SLF1: variants seen among roughly 807,000 people sequenced by gnomAD.
The protein encoded by SLF1 is SMC5-SMC6 complex localization factor protein 1.
In SLF1, 105 loss-of-function variants were observed where a neutral mutation model predicts 123.0. The observed-to-expected ratio is 0.85, with a 90% CI of 0.73 to 1.00. The LOEUF (loss-of-function observed/expected upper bound fraction) is 1.00. SLF1 is among the 50% of genes least tolerant of loss of function. The pLI is 0.00. For synonymous variants in SLF1, 434 were observed against 406.6 expected, an observed-to-expected ratio of 1.07 and a Z score of -0.81; for missense variants, 1,239 against 1,223.0, an observed-to-expected ratio of 1.01 and a Z score of -0.20.
At chr5:94,622,683 G>T (rs966232104) in intron 1 of SLF1, among the ~76,000 whole-genome samples, 1 of 152,006 alleles carries the variant, frequency 6.6e-6, no homozygotes, top group Non-Finnish European at 1.5e-5. Context: ...AGACAAGTCT[G>T]TAAAGGTTAT....
intron 4 of SLF1, among the ~76,000 whole-genome samples, chr5:94,637,872 T>G (rs1040825279): frequency 6.6e-6 from 1 of 152,150 alleles, no homozygotes; most frequent in Non-Finnish European, 1.5e-5. Flanking sequence ...ATGTTGAGGC[T>G]GCACAAAGTA....
At chr5:94,667,348 T>C (rs1749896303) in intron 12 of SLF1, among the ~76,000 whole-genome samples, 1 of 152,216 alleles carries the variant, frequency 6.6e-6, no homozygotes, top group Non-Finnish European at 1.5e-5. Flanking sequence ...GCTGACATCC[T>C]TCATAATTTC....
rs1235065728 is a variant in SLF1 at position 94,643,174 on chromosome 5, A to G, written c.432-99A>G. ...CCCAAAGAAATTAGTCCCTATTAGA[A>G]AAGTCCATTCGTACTCCTAAGAAAT... On this transcript the variant is annotated intron_variant, in intron 4 of 20. Transcript: ENST00000265140. 2.5e-5 allele frequency: 23 copies of G among 914,582 alleles called. 1 individual carries two copies. The highest frequency in any genetic ancestry group is 2.9e-5 in the Non-Finnish European group (18 of 623,980). 56.7% of individuals were successfully genotyped at this position (914,582 alleles called of 1,614,324 possible).
chr5:94,643,318 A>G lies in SLF1; in HGVS notation c.477A>G (p.Ser159=). Residue 159 remains serine, a synonymous_variant, in exon 5 of 21, where the codon TCA becomes TCG. Transcript: ENST00000265140. ...GKANVILPKS[S]PSGITHVIAS... ...CAAATGTTATTTTACCAAAAAGTTC[A>G]CCAAGTGGAATAACTCATGTGATTG... is the stretch of plus-strand genomic sequence containing the variant. The G allele has an allele frequency of 6.5e-7, 1 of 1,544,014 alleles. No individual in the cohort carries two copies. Among genetic ancestry groups the G allele is most frequent in the South Asian group, 1.2e-5 (1 of 82,306 alleles).
chr5:94,645,783 C>T (rs1376507929), intron 5 of SLF1, among the ~76,000 whole-genome samples: 3 of 152,172 alleles, frequency 2.0e-5, no homozygotes, highest in African/African-American at 7.2e-5. Context: ...GCTGGGAGTT[C>T]ATAACCAATC....
chr5:94,652,070 C>T (rs1310977353), intron 7 of SLF1, among the ~76,000 whole-genome samples: 3 of 150,992 alleles, frequency 2.0e-5, no homozygotes, highest in African/African-American at 7.3e-5. Flanking sequence ...TGCACTGGCA[C>T]AATCTTAGCT....
At chr5:94,631,850 C>T (rs1376031029) in intron 4 of SLF1, among the ~76,000 whole-genome samples, 1 of 152,066 alleles carries the variant, frequency 6.6e-6, no homozygotes, top group East Asian at 1.9e-4. Flanking sequence ...CATAGTGGCT[C>T]AGGTCTGTAA....
intron 8 of SLF1, among the ~76,000 whole-genome samples, chr5:94,653,726 T>C (rs945402288): frequency 4.6e-5 from 7 of 152,244 alleles, no homozygotes; most frequent in African/African-American, 1.4e-4. Context: ...ACTACATGTG[T>C]GTATAGTTGG....
At chr5:94,633,585 AGAAAT>A (rs1412763181) in intron 4 of SLF1, among the ~76,000 whole-genome samples, 3 of 152,338 alleles carry the variant, frequency 2.0e-5, no homozygotes, top group Admixed American at 2.0e-4. Context: ...AAGCCAGAAA[AGAAAT>A]GAAGCATAAA....
At chr5:94,683,095 A>G (rs192144976) in intron 15 of SLF1, among the ~76,000 whole-genome samples, 13 of 152,294 alleles carry the variant, frequency 8.5e-5, no homozygotes, top group African/African-American at 2.6e-4. Context: ...AAAATTTACT[A>G]TAGGTTTTTT....
chr5:94,621,867 A>G (rs1476929242), intron 1 of SLF1, among the ~76,000 whole-genome samples: 1 of 145,708 alleles, frequency 6.9e-6, no homozygotes, highest in Non-Finnish European at 1.5e-5. Context: ...TGCTTCTGTC[A>G]AATAATTAAT....
chr5:94,688,817 T>C lies in SLF1; in HGVS notation c.2285+148T>C. On this transcript the variant is annotated intron_variant, in intron 17 of 20. Transcript: ENST00000265140. Reference sequence around the variant, plus strand: ...AATTTTAGATCTATTTGATCAACATTTTCTGTTTCTGTAATTCAAGGTACA... The same window carrying C: ...AATTTTAGATCTATTTGATCAACATCTTCTGTTTCTGTAATTCAAGGTACA... 7 of 850,598 alleles carry C rather than the reference T, an allele frequency of 8.2e-6. No homozygotes were observed. In the South Asian group the frequency reaches 2.2e-4, roughly 26 times the overall value. The allele number at this position is 850,598 out of a possible 1,614,324, so 52.7% of individuals were successfully genotyped here. A position where few individuals can be genotyped will look rare whatever the true frequency, so the allele number is the denominator to read the frequency against.
chr5:94,646,879 G>T (rs1747134054), intron 5 of SLF1, among the ~76,000 whole-genome samples: 1 of 152,142 alleles, frequency 6.6e-6, no homozygotes, highest in Non-Finnish European at 1.5e-5. Context: ...TTGAGTAATA[G>T]TTACTGAGTG....
rs573630917 is a variant in SLF1, at chr5:94,696,176, A to G, written c.*864A>G. 2.0e-5 allele frequency: 3 copies of G among 151,934 alleles called. No individual in the cohort carries two copies. The highest frequency in any genetic ancestry group is 7.2e-5 in the African/African-American group (3 of 41,532). 9.4% of individuals were successfully genotyped at this position (151,934 alleles called of 1,614,324 possible). A position where few individuals can be genotyped will look rare whatever the true frequency, so the allele number is the denominator to read the frequency against. ...GCAGTTTGTAGTAAAACTAAAAGAAAGGGTGTGGATAATAACCACTTTTGA... is the reference window on the plus strand; with the variant it reads ...GCAGTTTGTAGTAAAACTAAAAGAAGGGGTGTGGATAATAACCACTTTTGA... On this transcript the variant is annotated 3_prime_UTR_variant, in exon 21 of 21. Transcript: ENST00000265140.
intron 1 of SLF1, among the ~76,000 whole-genome samples, chr5:94,627,598 A>ATATATATATG (rs1744640781): frequency 8.0e-6 from 1 of 124,618 alleles, no homozygotes; most frequent in Non-Finnish European, 1.7e-5. Flanking sequence ...ATATATATAT[A>ATATATATATG]TATATATATA....
At chr5:94,684,726 A>G (rs902198644) in intron 15 of SLF1, among the ~76,000 whole-genome samples, 3 of 146,924 alleles carry the variant, frequency 2.0e-5, no homozygotes, top group Non-Finnish European at 4.5e-5. Context: ...AAAAAAAAGT[A>G]TCTCTGTAGA....
chr5:94,653,536 T>G, intron 8 of SLF1, 115 bp downstream of exon 8: 1 of 874,338 alleles, frequency 1.1e-6, no homozygotes, highest in Non-Finnish European at 1.6e-6. Flanking sequence ...CAATCTGGTG[T>G]AATATTCATA....
rs559253728 is a variant in SLF1 at position 94,634,280 on chromosome 5, G to C, written c.431+3537G>C. Among the ~76,000 whole-genome samples the C allele has an allele frequency of 5.3e-5, 8 of 152,020 alleles. No individual in the cohort carries two copies. In the South Asian group the frequency reaches 1.2e-3, roughly 24 times the overall value. On this transcript the variant is annotated intron_variant, in intron 4 of 20. Transcript: ENST00000265140. ...TTTTTTTCTATTACCTCAAACACTT[G>C]TCATTGTGTCCTTTGATCAACATTT... is the stretch of plus-strand genomic sequence containing the variant.
intron 18 of SLF1, among the ~76,000 whole-genome samples, chr5:94,690,036 G>GT (rs1561479279): frequency 6.6e-6 from 1 of 152,288 alleles, no homozygotes; most frequent in East Asian, 1.9e-4. Flanking sequence ...ACATAGCTGT[G>GT]TTAAGCATAT....
Sources: gnomAD v4.1 joint callset for allele counts (sites outside exome capture counted in the v4.1 genomes callset) on GRCh38, gnomAD v4.1.1 for gene constraint, MANE v1.5 for transcripts, NCBI Gene and HGNC (gene_info 2026-07-23, HGNC 2026-07-21) for gene names.